Variants in SATB2 observed in about 807,000 individuals in gnomAD.
SATB2 encodes the protein SATB homeobox 2, also known as DNA-binding protein SATB2.
SATB2 carries 1 observed loss-of-function variant against 73.4 expected under a neutral mutation model. The ratio of observed to expected loss-of-function variants is 0.01; its 90% CI spans 0.00 to 0.06. The LOEUF (loss-of-function observed/expected upper bound fraction) is 0.06. Among genes scored for constraint, SATB2 ranks in the 10% least tolerant of loss-of-function variants. The pLI, the probability that SATB2 is intolerant of heterozygous loss-of-function variation, is 1.00. For missense variants in SATB2, 459 were observed against 945.8 expected (o/e 0.49, Z 6.75); for synonymous variants, 397 against 367.0 (o/e 1.08, Z -0.93).
intron 3 of SATB2, chr2:199,396,526 A>C (rs1270998768): frequency 1.3e-5 from 2 of 152,196 alleles, no homozygotes; most frequent in African/African-American, 4.8e-5. Flanking sequence ...GACCTCTCAA[A>C]GTAGCTTCGG....
chr2:199,427,323 C>A (rs1214492329), intron 3 of SATB2, among the ~76,000 whole-genome samples: 2 of 150,872 alleles, frequency 1.3e-5, no homozygotes, highest in Non-Finnish European at 3.0e-5. Flanking sequence ...AATAGATAAC[C>A]CATAGATTCA....
At chr2:199,361,198 A>T (rs1039746499) in intron 6 of SATB2, among the ~76,000 whole-genome samples, 3 of 152,130 alleles carry the variant, frequency 2.0e-5, no homozygotes, top group Non-Finnish European at 2.9e-5. Context: ...CTAGTTGTCA[A>T]AATTCTCACT....
chr2:199,408,627 G>T (rs1365237434), intron 3 of SATB2, among the ~76,000 whole-genome samples: 1 of 150,374 alleles, frequency 6.7e-6, no homozygotes, highest in African/African-American at 2.4e-5. Flanking sequence ...CAACATGAAA[G>T]GAGAGAAAAG....
chr2:199,276,304 T>C (rs191745861), intron 10 of SATB2, among the ~76,000 whole-genome samples: 26 of 152,338 alleles, frequency 1.7e-4, no homozygotes, highest in East Asian at 1.5e-3. Context: ...CTTTTAGCCA[T>C]TTCTTCACAG....
chr2:199,424,484 T>G (rs1443313755), intron 3 of SATB2, among the ~76,000 whole-genome samples: 7 of 152,226 alleles, frequency 4.6e-5, no homozygotes, highest in Admixed American at 4.6e-4. Context: ...ATAAATAAAT[T>G]GAACACTTAA....
chr2:199,403,869 A>G (rs1423784059), intron 3 of SATB2, among the ~76,000 whole-genome samples: 1 of 151,950 alleles, frequency 6.6e-6, no homozygotes, highest in Admixed American at 6.6e-5. Context: ...TCAACCATCT[A>G]TTTAGCAAAC....
chr2:199,355,447 A>G (rs1688954295), intron 6 of SATB2, among the ~76,000 whole-genome samples: 1 of 151,200 alleles, frequency 6.6e-6, no homozygotes, highest in African/African-American at 2.4e-5. Flanking sequence ...TAAATATAAT[A>G]AAATCTCAAT....
intron 7 of SATB2, chr2:199,347,229 T>C (rs934079365): frequency 3.9e-5 from 6 of 152,154 alleles, no homozygotes; most frequent in African/African-American, 1.4e-4. Context: ...TCCAAATTAT[T>C]GAGGTTTCAA....
At chr2:199,351,569 T>G (rs943084614) in intron 6 of SATB2, among the ~76,000 whole-genome samples, 8 of 152,182 alleles carry the variant, frequency 5.3e-5, no homozygotes, top group African/African-American at 1.9e-4. Flanking sequence ...AACTTTAAAG[T>G]ACATAGTCTT....
chr2:199,365,341 C>A (rs1022217689), intron 6 of SATB2, among the ~76,000 whole-genome samples: 2 of 151,936 alleles, frequency 1.3e-5, no homozygotes, highest in Non-Finnish European at 2.9e-5. Flanking sequence ...TACCACCCTA[C>A]CCTACCTACC....
intron 6 of SATB2, among the ~76,000 whole-genome samples, chr2:199,353,117 G>A (rs1688867274): frequency 6.9e-6 from 1 of 145,400 alleles, no homozygotes; most frequent in Non-Finnish European, 1.5e-5. Flanking sequence ...GGCAGAACAC[G>A]ATTTCAGAAA....
chr2:199,287,260 A>G (rs943047348), intron 10 of SATB2, among the ~76,000 whole-genome samples: 2 of 152,336 alleles, frequency 1.3e-5, no homozygotes, highest in East Asian at 3.9e-4. Flanking sequence ...TTAAAATAAT[A>G]GAATAGAGAC....
intron 10 of SATB2, among the ~76,000 whole-genome samples, chr2:199,300,025 CTATT>C (rs1687234146): frequency 6.6e-6 from 1 of 152,126 alleles, no homozygotes; most frequent in Admixed American, 6.6e-5. Context: ...ACCGTAGTCT[CTATT>C]TATTTTGCCT....
chr2:199,438,025 T>A (rs1410237485), intron 2 of SATB2, among the ~76,000 whole-genome samples: 1 of 152,194 alleles, frequency 6.6e-6, no homozygotes, highest in Non-Finnish European at 1.5e-5. Context: ...ATGTAGCAAT[T>A]GAGTACTTGA....
chr2:199,314,476 A>G (rs891176480), intron 9 of SATB2, among the ~76,000 whole-genome samples: 2 of 152,144 alleles, frequency 1.3e-5, no homozygotes, highest in Non-Finnish European at 2.9e-5. Context: ...TAGTAATAGT[A>G]GTCTCTCAGG....
chr2:199,294,451 C>T lies in SATB2; in HGVS notation c.1740+14309G>A, dbSNP rs187118176. Among the ~76,000 whole-genome samples the T allele has an allele frequency of 7.2e-5, 11 of 152,256 alleles. No homozygotes were observed. The East Asian group carries it at 2.1e-3, about 29-fold the overall frequency. Reference sequence around the variant, plus strand: ...ATTTGATCCAGGTTATGTTATACAACCAAAGAATCAGTTAATTTGGTTCTT... The same window carrying T: ...ATTTGATCCAGGTTATGTTATACAATCAAAGAATCAGTTAATTTGGTTCTT... On this transcript the variant is annotated intron_variant, in intron 10 of 10. Coordinates refer to ENST00000417098, the MANE Select transcript of SATB2 (RefSeq NM_001172509.2).
At chr2:199,340,522 C>T (rs921477041) in intron 7 of SATB2, among the ~76,000 whole-genome samples, 20 of 152,040 alleles carry the variant, frequency 1.3e-4, no homozygotes, top group African/African-American at 1.2e-4. Flanking sequence ...TTCCAAGAAC[C>T]GGCTCAGAAG....
chr2:199,431,627 C>A (rs1315129789), intron 3 of SATB2, among the ~76,000 whole-genome samples: 1 of 152,166 alleles, frequency 6.6e-6, no homozygotes, highest in Non-Finnish European at 1.5e-5. Flanking sequence ...TTTATTTGCT[C>A]ATATATCTCA....
chr2:199,280,087 C>A (rs1211199955), intron 10 of SATB2, among the ~76,000 whole-genome samples: 1 of 152,200 alleles, frequency 6.6e-6, no homozygotes, highest in Non-Finnish European at 1.5e-5. Context: ...GAAGCCATGG[C>A]AGAAGAACGT....
Sources: gnomAD v4.1 joint callset for allele counts (sites outside exome capture counted in the v4.1 genomes callset) on GRCh38, gnomAD v4.1.1 for gene constraint, MANE v1.5 for transcripts, NCBI Gene and HGNC (gene_info 2026-07-23, HGNC 2026-07-21) for gene names.